Variants in ATM observed in about 807,000 individuals in gnomAD.
The protein encoded by ATM is ATM serine/threonine kinase, also known as serine-protein kinase ATM.
Under a neutral mutation model 387.0 loss-of-function variants are expected in ATM, and 308 were observed. The observed-to-expected ratio is 0.80, with a 90% CI of 0.73 to 0.87. The LOEUF is 0.87. ATM is among the 40% of genes least tolerant of loss of function. The probability of loss-of-function intolerance (pLI) is 0.00; values close to 1 mark genes in which losing one functional copy is unlikely to be tolerated. For missense variants in ATM, 3,312 were observed against 3,560.9 expected (o/e 0.93, Z 1.78); for synonymous variants, 1,156 against 1,187.3 (o/e 0.97, Z 0.54).
At chr11:108,301,922 C>A in intron 35 of ATM, 133 bp downstream of exon 35, 1 of 1,026,514 alleles carries the variant, frequency 9.7e-7, no homozygotes, top group Middle Eastern at 3.2e-4. Flanking sequence ...GTAATTTAAG[C>A]CATATTTCAT....
intron 59 of ATM, among the ~76,000 whole-genome samples, chr11:108,351,372 A>G (rs535431164): frequency 1.3e-4 from 20 of 152,332 alleles, no homozygotes; most frequent in African/African-American, 3.6e-4. Context: ...TTTGTATACT[A>G]TTCTGTGTAT....
chr11:108,277,142 TC>T (rs918206969), intron 22 of ATM, among the ~76,000 whole-genome samples: 2 of 152,136 alleles, frequency 1.3e-5, no homozygotes, highest in Admixed American at 6.5e-5. Context: ...AGTTCGAACT[TC>T]CTACTGGCTG....
intron 61 of ATM, among the ~76,000 whole-genome samples, chr11:108,359,908 C>G (rs1368584546): frequency 6.6e-6 from 1 of 152,080 alleles, no homozygotes; most frequent in Non-Finnish European, 1.5e-5. Flanking sequence ...AGAGCAAACA[C>G]ATTCAAAAGT....
Position 108,227,631 on chromosome 11 carries a change from C to T in ATM, c.7C>T (p.Leu3=), listed in dbSNP as rs7112053. The part of the protein sequence containing the change: MS[L]VLNDLLICCR... ...TGTTCTGAAATTGTGAACCATGAGT[C>T]TAGTACTTAATGATCTGCTTATCTG... Residue 3 remains leucine (L), a synonymous_variant, in exon 2 of 63, where the codon CTA becomes TTA. Transcript: ENST00000675843. The T allele has an allele frequency of 6.2e-7, 1 of 1,613,470 alleles. No homozygotes were observed. Among genetic ancestry groups the T allele is most frequent in the Non-Finnish European group, 8.5e-7 (1 of 1,179,746 alleles).
chr11:108,289,465 A>G (rs1391036135), intron 28 of ATM, 137 bp from the exon 29 acceptor site: 1 of 737,930 alleles, frequency 1.4e-6, no homozygotes, highest in Non-Finnish European at 2.1e-6. Context: ...TCAAACCCAA[A>G]TCTAAATTCT....
chr11:108,299,372 A>G (rs560967091), intron 33 of ATM: 61 of 250,662 alleles, frequency 2.4e-4, no homozygotes, highest in African/African-American at 1.3e-3. Context: ...ATCTTGGCTC[A>G]CTGCAGCCTC....
intron 27 of ATM, among the ~76,000 whole-genome samples, chr11:108,288,433 C>CT (rs2082609979): frequency 6.7e-6 from 1 of 149,364 alleles, no homozygotes; most frequent in African/African-American, 2.5e-5. Context: ...GTGAATGTCT[C>CT]TGAGTTGTAT....
intron 40 of ATM, among the ~76,000 whole-genome samples, chr11:108,314,058 T>G (rs559769215): frequency 1.3e-5 from 2 of 152,340 alleles, no homozygotes; most frequent in South Asian, 4.1e-4. Flanking sequence ...ACCTTTATTC[T>G]TACCAAATTG....
At position 108,284,235 on chromosome 11, in the gene ATM, AT is replaced by A. The variant is rs2135704461; in HGVS notation, c.3756del (p.Tyr1252Ter). 1 of 1,607,824 alleles carries A rather than the reference AT, an allele frequency of 6.2e-7. No homozygotes were observed. Among genetic ancestry groups the A allele is most frequent in the Non-Finnish European group, 8.5e-7 (1 of 1,175,050 alleles). Reference sequence around the variant, plus strand: ...AATTTTTCTATTTTTAGATCTTGTTATAAGGTTTTGATTCCACATCTGGTGA... The same window carrying A: ...AATTTTTCTATTTTTAGATCTTGTTAAAGGTTTTGATTCCACATCTGGTGA... ...TNIEDFYRSC[Y>X]KVLIPHLVIR... is the part of the protein sequence containing the mutation. On this transcript the variant is annotated frameshift_variant, in exon 26 of 63. Coordinates refer to ENST00000675843, the MANE Select transcript of ATM (RefSeq NM_000051.4). LOFTEE classifies it high-confidence loss of function.
chr11:108,353,661 C>T (rs1183487776), intron 59 of ATM, 105 bp from the exon 60 acceptor site: 2 of 886,832 alleles, frequency 2.3e-6, no homozygotes, highest in East Asian at 2.4e-5. Flanking sequence ...GTTCATAGAA[C>T]GTAGGTAACA....
Position 108,289,016 on chromosome 11 carries a change from G to A in ATM, c.4149G>A (p.Ser1383=), listed in dbSNP as rs749180334. 9.9e-6 allele frequency: 16 copies of A among 1,613,168 alleles called. No homozygotes were observed. Among genetic ancestry groups the A allele is most frequent in the Non-Finnish European group, 1.4e-5 (16 of 1,179,598 alleles). ...DPAPNPPHFP[S]HVIKATFAYI... is the part of the protein sequence containing the mutation. ...CTCCTAATCCACCTCATTTTCCATC[G>A]CATGTGATTAAAGCAACATTTGCCT... Residue 1383 remains serine (S), a synonymous_variant, in exon 28 of 63, where the codon TCG becomes TCA. Coordinates refer to ENST00000675843, the MANE Select transcript of ATM (RefSeq NM_000051.4).
At chr11:108,341,996 C>G (rs1429558064) in intron 56 of ATM, among the ~76,000 whole-genome samples, 1 of 152,166 alleles carries the variant, frequency 6.6e-6, no homozygotes, top group African/African-American at 2.4e-5. Flanking sequence ...CTTGTCCAAC[C>G]CACAGCCTGC....
At chr11:108,325,591 T>A in intron 46 of ATM, 47 bp downstream of exon 46, 1 of 1,480,574 alleles carries the variant, frequency 6.8e-7, no homozygotes, top group Non-Finnish European at 9.3e-7. Flanking sequence ...GACTTTCCTT[T>A]TATTATTTAA....
Position 108,343,452 on chromosome 11 carries a change from AT to A in ATM, c.8418+82del. 3.9e-6 allele frequency: 6 copies of A among 1,543,210 alleles called. No homozygotes were observed. The South Asian group carries it at 7.0e-5, about 18-fold the overall frequency. Reference sequence around the variant, plus strand: ...GCTGACAGCTGTCAGATATTATAGAATACAAAAAAACTTTAATTTCATCAGG... The same window carrying A: ...GCTGACAGCTGTCAGATATTATAGAAACAAAAAAACTTTAATTTCATCAGG... On this transcript the variant is annotated intron_variant, in intron 57 of 62. Coordinates refer to ENST00000675843, the MANE Select transcript of ATM (RefSeq NM_000051.4).
In ATM at chr11:108,304,679, A is replaced by G. The variant is rs776122081; in HGVS notation, c.5501A>G (p.Lys1834Arg). 6.2e-7 allele frequency: 1 copy of G among 1,613,856 alleles called. No homozygotes were observed. The highest frequency in any genetic ancestry group is 8.5e-7 in the Non-Finnish European group (1 of 1,179,822). ...LQLLKPMCEV[K>R]TDFCQTVLPY... The stretch of plus-strand genomic sequence containing the variant: ...GGATTTGTTTGTATATTCTAGGTGA[A>G]AACTGACTTTTGTCAGACTGTACTT... The change falls in exon 37 of 63, where the codon AAA becomes AGA. Residue 1834 changes from lysine to arginine, a missense_variant. Lys to Arg is a conservative substitution (Grantham distance 26). Transcript: ENST00000675843.
chr11:108,259,742 A>G (rs2080745531), intron 16 of ATM, among the ~76,000 whole-genome samples: 1 of 152,152 alleles, frequency 6.6e-6, no homozygotes, highest in African/African-American at 2.4e-5. Context: ...GGCAAGCAAC[A>G]TATTCTTATT....
intron 5 of ATM, among the ~76,000 whole-genome samples, chr11:108,239,352 A>G (rs1003389979): frequency 2.0e-5 from 3 of 152,212 alleles, no homozygotes; most frequent in African/African-American, 4.8e-5. Context: ...CACCTAACCT[A>G]TAATACTTTG....
chr11:108,269,298 A>T (rs867567942), intron 18 of ATM, among the ~76,000 whole-genome samples: 2 of 152,174 alleles, frequency 1.3e-5, no homozygotes, highest in African/African-American at 4.8e-5. Flanking sequence ...TGACCTTCAT[A>T]TATTTGAATA....
rs905561966 is a variant in ATM, at chr11:108,353,681, T to C, written c.8672-85T>C. The C allele has an allele frequency of 3.6e-6, 4 of 1,112,070 alleles. No individual in the cohort carries two copies. The Middle Eastern group carries it at 5.9e-4, about 164-fold the overall frequency. The allele number at this position is 1,112,070 out of a possible 1,614,324, so 68.9% of individuals were successfully genotyped here. The stretch of plus-strand genomic sequence containing the variant: ...TAGAACGTAGGTAACATGTGGTTTC[T>C]TGCCTTTGTAAAGTTCACATTCTAA... On this transcript the variant is annotated intron_variant, in intron 59 of 62. Coordinates refer to ENST00000675843, the MANE Select transcript of ATM (RefSeq NM_000051.4).
Sources: gnomAD v4.1 joint callset for allele counts (sites outside exome capture counted in the v4.1 genomes callset) on GRCh38, gnomAD v4.1.1 for gene constraint, MANE v1.5 for transcripts, NCBI Gene and HGNC (gene_info 2026-07-23, HGNC 2026-07-21) for gene names.